The following DMRT3 variants were observed in gnomAD, a reference collection of about 807,000 sequenced individuals.
DMRT3 encodes the protein doublesex and mab-3 related transcription factor 3, also known as doublesex- and mab-3-related transcription factor 3.
A neutral mutation model predicts 34.9 loss-of-function variants in DMRT3; 29 were observed. The ratio of observed to expected loss-of-function variants is 0.83; its 90% CI spans 0.62 to 1.13. The LOEUF (loss-of-function observed/expected upper bound fraction) is 1.13, where lower values mean the gene tolerates loss of function less well. Ranked by LOEUF, DMRT3 falls within the 50% of genes most tolerant of loss-of-function variation. The pLI is 0.00. For missense variants in DMRT3, 772 were observed against 629.1 expected (o/e 1.23, Z -2.43); for synonymous variants, 350 against 286.0 (o/e 1.22, Z -2.26).
chr9:983,179 G>C (rs1022132540), intron 1 of DMRT3, among the ~76,000 whole-genome samples: 1 of 152,114 alleles, frequency 6.6e-6, no homozygotes, highest in South Asian at 2.1e-4. Flanking sequence ...CAAGTACCAA[G>C]TAACAATAAT....
intron 1 of DMRT3, chr9:989,818 G>A (rs1820329901): frequency 3.8e-6 from 2 of 520,464 alleles, no homozygotes; most frequent in Non-Finnish European, 6.6e-6. Context: ...CTTGCACAAA[G>A]CATTCCAGGA....
At chr9:987,266 A>G (rs927731783) in intron 1 of DMRT3, among the ~76,000 whole-genome samples, 7 of 152,128 alleles carry the variant, frequency 4.6e-5, no homozygotes, top group Non-Finnish European at 1.0e-4. Flanking sequence ...GAATTTCCCT[A>G]TTCTTGGTAT....
chr9:990,852 G>A lies in DMRT3; in HGVS notation c.1266G>A (p.Ser422=), dbSNP rs144093358. 935 of 1,613,926 alleles carry A rather than the reference G, an allele frequency of 5.8e-4. No homozygotes were observed. The highest frequency in any genetic ancestry group is 1.5e-3 in the Admixed American group (91 of 60,002). The change falls in exon 2 of 2, where the codon TCG becomes TCA. Residue 422 remains serine, a synonymous_variant. Coordinates refer to ENST00000190165, the MANE Select transcript of DMRT3 (RefSeq NM_021240.4). The part of the protein sequence containing the change: ...PSNSTSVFRS[S]PVLPARATED... ...ACTCTACCAGCGTCTTCAGAAGCTC[G>A]CCCGTCCTTCCTGCCCGCGCCACGG... is the stretch of plus-strand genomic sequence containing the variant.
chr9:979,293 G>T (rs940639916), intron 1 of DMRT3, among the ~76,000 whole-genome samples: 1 of 152,192 alleles, frequency 6.6e-6, no homozygotes, highest in African/African-American at 2.4e-5. Context: ...AGTAGGCAGC[G>T]GCAGCAGGAT....
chr9:985,391 G>C (rs1294976034), intron 1 of DMRT3, among the ~76,000 whole-genome samples: 1 of 152,188 alleles, frequency 6.6e-6, no homozygotes, highest in East Asian at 1.9e-4. Flanking sequence ...TGTTTCAGGA[G>C]TATTTCCTAT....
intron 1 of DMRT3, among the ~76,000 whole-genome samples, chr9:984,035 T>A (rs773014024): frequency 3.0e-4 from 46 of 152,308 alleles, no homozygotes; most frequent in East Asian, 1.3e-3. Context: ...TTCATTTTTT[T>A]AAAATAATTC....
intron 1 of DMRT3, among the ~76,000 whole-genome samples, chr9:983,525 G>A (rs891027027): frequency 1.3e-5 from 2 of 152,120 alleles, no homozygotes; most frequent in African/African-American, 2.4e-5. Context: ...GCCTCTCAGT[G>A]GTCAAGAGGC....
intron 1 of DMRT3, among the ~76,000 whole-genome samples, chr9:986,717 CCT>C (rs1267547035): frequency 6.6e-6 from 1 of 151,896 alleles, no homozygotes; most frequent in African/African-American, 2.4e-5. Context: ...ATAGTGAAAC[CCT>C]GTCTCTACTA....
In DMRT3 at chr9:977,121, G is replaced by T; in HGVS notation, c.120G>T (p.Trp40Cys). ...ARCRNHGVLS[W>C]LKGHKRYCRF... ...GCCGCAACCATGGCGTCCTGTCCTG[G>T]CTCAAGGGCCACAAGCGTTACTGCC... Residue 40 changes from tryptophan (W) to cysteine (C), a missense_variant, in exon 1 of 2, where the codon TGG becomes TGT. Coordinates refer to ENST00000190165, the MANE Select transcript of DMRT3 (RefSeq NM_021240.4). 6.2e-7 allele frequency: 1 copy of T among 1,610,310 alleles called. No homozygotes were observed. The highest frequency in any genetic ancestry group is 8.5e-7 in the Non-Finnish European group (1 of 1,178,608).
At position 976,971 on chromosome 9, in the gene DMRT3, C is replaced by G. The variant is rs1261335851; in HGVS notation, c.-31C>G. ...GCGCTCCCTGGCCCTCTCCCGCAGC[C>G]AGGCTGCCAACTCATTCGGGAGCCC... On this transcript the variant is annotated 5_prime_UTR_variant, in exon 1 of 2. Transcript: ENST00000190165. The surrounding 1 kb of genome is among the most constrained non-coding windows in gnomAD (Gnocchi z 4.5). The G allele has an allele frequency of 6.2e-6, 9 of 1,443,588 alleles. No individual in the cohort carries two copies. The highest frequency in any genetic ancestry group is 8.2e-6 in the Non-Finnish European group (9 of 1,095,970). The allele number at this position is 1,443,588 out of a possible 1,614,324, so 89.4% of individuals were successfully genotyped here. A position where few individuals can be genotyped will look rare whatever the true frequency, so the allele number is the denominator to read the frequency against.
rs1018459857 is a variant in DMRT3, at chr9:976,833, C to G, written c.-169C>G. The G allele has an allele frequency of 1.4e-5, 8 of 569,320 alleles. No individual in the cohort carries two copies. Among genetic ancestry groups the G allele is most frequent in the South Asian group, 4.7e-5 (1 of 21,162 alleles). The allele number at this position is 569,320 out of a possible 1,614,324, so 35.3% of individuals were successfully genotyped here. ...GTGAGCGCGAAGGGAGCTGGAGAGA[C>G]GACTGCGGCACCTCCGGCCGCCCCG... On this transcript the variant is annotated 5_prime_UTR_variant, in exon 1 of 2. Transcript: ENST00000190165. The surrounding 1 kb of genome is among the most constrained non-coding windows in gnomAD (Gnocchi z 4.5).
intron 1 of DMRT3, among the ~76,000 whole-genome samples, chr9:986,574 A>G (rs1254873135): frequency 6.6e-6 from 1 of 152,066 alleles, no homozygotes; most frequent in Non-Finnish European, 1.5e-5. Context: ...ACACAAAGCT[A>G]TTTGGTTCAT....
chr9:980,867 C>G (rs1178101389), intron 1 of DMRT3, among the ~76,000 whole-genome samples: 1 of 152,132 alleles, frequency 6.6e-6, no homozygotes, highest in Non-Finnish European at 1.5e-5. Flanking sequence ...TTCCCTACCC[C>G]CAACTTTTCC....
At position 991,662 on chromosome 9, in the gene DMRT3, A is replaced by G; in HGVS notation, c.*657A>G. On this transcript the variant is annotated 3_prime_UTR_variant, in exon 2 of 2. Coordinates refer to ENST00000190165, the MANE Select transcript of DMRT3 (RefSeq NM_021240.4). ...GCATGAAATGTATTGTGAAACGAAC[A>G]CAAGATTAAGCTTTGTCAGGTTAAT... 6.5e-6 allele frequency: 1 copy of G among 152,688 alleles called. No homozygotes were observed. Among genetic ancestry groups the G allele is most frequent in the East Asian group, 1.9e-4 (1 of 5,206 alleles). 9.5% of individuals were successfully genotyped at this position (152,688 alleles called of 1,614,324 possible).
chr9:983,257 A>C (rs1014807329), intron 1 of DMRT3, among the ~76,000 whole-genome samples: 1 of 152,184 alleles, frequency 6.6e-6, no homozygotes, highest in African/African-American at 2.4e-5. Flanking sequence ...GATTACAACA[A>C]CTAGGCAGAC....
chr9:986,345 C>T (rs1008039357), intron 1 of DMRT3, among the ~76,000 whole-genome samples: 1 of 151,476 alleles, frequency 6.6e-6, no homozygotes, highest in African/African-American at 2.4e-5. Context: ...AAAAAAAAAG[C>T]CTCCATTTTT....
intron 1 of DMRT3, among the ~76,000 whole-genome samples, chr9:988,364 T>C (rs1287276192): frequency 3.3e-5 from 5 of 152,244 alleles, no homozygotes. Context: ...TTAAAGTGTA[T>C]TTACTTATGT....
rs1820360259 is a variant in DMRT3 at position 991,195 on chromosome 9, A to C, written c.*190A>C. ...TGCACTTCACTGGAAAATGCCAAATAGCTCTGTTCTGTGGCTTTAGTGCTG... is the reference window on the plus strand; with the variant it reads ...TGCACTTCACTGGAAAATGCCAAATCGCTCTGTTCTGTGGCTTTAGTGCTG... On this transcript the variant is annotated 3_prime_UTR_variant, in exon 2 of 2. Transcript: ENST00000190165. The C allele has an allele frequency of 1.5e-6, 1 of 678,576 alleles. No homozygotes were observed. The highest frequency in any genetic ancestry group is 1.8e-5 in the African/African-American group (1 of 55,422). The allele number at this position is 678,576 out of a possible 1,614,324, so 42.0% of individuals were successfully genotyped here. A position where few individuals can be genotyped will look rare whatever the true frequency, so the allele number is the denominator to read the frequency against.
intron 1 of DMRT3, among the ~76,000 whole-genome samples, chr9:978,808 A>T (rs1820182392): frequency 6.6e-6 from 1 of 152,214 alleles, no homozygotes; most frequent in Non-Finnish European, 1.5e-5. Context: ...TTTTGTGGAT[A>T]TTTAATCCAA....
Sources: allele counts gnomAD v4.1 joint callset (sites outside exome capture counted in the v4.1 genomes callset), GRCh38; gene constraint gnomAD v4.1.1; non-coding constraint Gnocchi (gnomAD v3.1); transcripts MANE v1.5; gene names NCBI Gene and HGNC (gene_info 2026-07-23, HGNC 2026-07-21).